Variants in CDC14B observed in about 807,000 individuals in gnomAD.
CDC14B encodes cell division cycle 14B, also known as dual specificity protein phosphatase CDC14B.
CDC14B carries 22 observed loss-of-function variants against 64.2 expected under a neutral mutation model. The observed-to-expected ratio is 0.34, with a 90% CI of 0.24 to 0.49. The LOEUF is 0.49. Ranked by LOEUF, CDC14B falls within the 20% of genes least tolerant of loss-of-function variation. CDC14B has a pLI of 0.99. For synonymous variants in CDC14B, 191 were observed against 215.8 expected (o/e 0.89, Z 1.01); for missense variants, 498 against 629.9 (o/e 0.79, Z 2.24).
rs201934587 is a variant in CDC14B at position 96,617,294 on chromosome 9, GAA to G, written c.160+1923_160+1924del. On this transcript the variant is annotated intron_variant, in intron 1 of 13. Transcript: ENST00000375241. The stretch of plus-strand genomic sequence containing the variant: ...GTTGATTAATTGGTGACTGCCTCAC[GAA>G]GACTAGCCACATATTTCATCTCCAT... 5.9e-3 allele frequency among the ~76,000 whole-genome samples: 900 copies of G among 151,844 alleles called. 7 individuals are homozygous for G. The highest frequency in any genetic ancestry group is 0.021 in the African/African-American group (860 of 41,392).
At chr9:96,602,000 A>G (rs1238416587) in intron 1 of CDC14B, among the ~76,000 whole-genome samples, 1 of 152,022 alleles carries the variant, frequency 6.6e-6, no homozygotes, top group Non-Finnish European at 1.5e-5. Context: ...CGGAGCTTTC[A>G]GTGAGCCAGG....
At chr9:96,524,763 T>C (rs985163621) in intron 9 of CDC14B, among the ~76,000 whole-genome samples, 1 of 152,194 alleles carries the variant, frequency 6.6e-6, no homozygotes, top group Admixed American at 6.5e-5. Context: ...CTCTCCCATG[T>C]TTCCAGGCTG....
intron 7 of CDC14B, among the ~76,000 whole-genome samples, chr9:96,534,954 A>G (rs1349295618): frequency 6.6e-6 from 1 of 152,210 alleles, no homozygotes; most frequent in African/African-American, 2.4e-5. Context: ...CAACATGAGC[A>G]ATCTTGACTC....
intron 6 of CDC14B, 65 bp downstream of exon 6, chr9:96,541,761 T>C (rs919351464): frequency 3.2e-5 from 36 of 1,128,864 alleles, no homozygotes; most frequent in Non-Finnish European, 4.3e-5. Context: ...GAAGAAGGCC[T>C]AGTTTTCTTG....
chr9:96,496,719 G>A (rs1270342298), downstream of CDC14B, among the ~76,000 whole-genome samples: 1 of 152,264 alleles, frequency 6.6e-6, no homozygotes, highest in Non-Finnish European at 1.5e-5. Context: ...CCCGCTGGAG[G>A]AGGTGCAGCG....
rs1227121687 is a variant in CDC14B, at chr9:96,500,972, C to T, written c.*2781G>A. 1.3e-5 allele frequency: 2 copies of T among 152,468 alleles called. No individual in the cohort carries two copies. Among genetic ancestry groups the T allele is most frequent in the Non-Finnish European group, 1.5e-5 (1 of 68,186 alleles). 9.4% of individuals were successfully genotyped at this position (152,468 alleles called of 1,614,324 possible). On this transcript the variant is annotated 3_prime_UTR_variant, in exon 14 of 14. Transcript: ENST00000375241. ...CAAGAAAACAGAGAGGTAGCAATCA[C>T]CCCTGTGAGAGGGCTAGAGAGGAGG... is the stretch of plus-strand genomic sequence containing the variant.
At chr9:96,575,710 A>G (rs1013427582) in intron 1 of CDC14B, among the ~76,000 whole-genome samples, 2 of 152,216 alleles carry the variant, frequency 1.3e-5, no homozygotes, top group Non-Finnish European at 2.9e-5. Flanking sequence ...AAAAAATTCA[A>G]GCTAGGCTGG....
intron 3 of CDC14B, among the ~76,000 whole-genome samples, chr9:96,563,390 C>T (rs996667378): frequency 3.9e-5 from 6 of 152,106 alleles, no homozygotes; most frequent in African/African-American, 1.4e-4. Flanking sequence ...CGGTGGCTCA[C>T]GCCTGTAATC....
At position 96,567,078 on chromosome 9, in the gene CDC14B, C is replaced by T. The variant is rs1844109219; in HGVS notation, c.161-1595G>A. On this transcript the variant is annotated intron_variant, in intron 1 of 13. Transcript: ENST00000375241. ...CCGCCCCACCTCCCGCTTTCTTTCCCCCCGCCTGGCCGCCCGCCTTCCTTC... is the reference window on the plus strand; with the variant it reads ...CCGCCCCACCTCCCGCTTTCTTTCCTCCCGCCTGGCCGCCCGCCTTCCTTC... The T allele has an allele frequency of 4.3e-6, 4 of 922,352 alleles. No homozygotes were observed. In the Admixed American group the frequency reaches 1.3e-4, roughly 30 times the overall value. The allele number at this position is 922,352 out of a possible 1,614,324, so 57.1% of individuals were successfully genotyped here. A position where few individuals can be genotyped will look rare whatever the true frequency, so the allele number is the denominator to read the frequency against.
chr9:96,589,539 A>G (rs961861549), intron 1 of CDC14B, among the ~76,000 whole-genome samples: 2 of 152,194 alleles, frequency 1.3e-5, no homozygotes, highest in African/African-American at 4.8e-5. Flanking sequence ...CAAGTAAAAT[A>G]TTCTTTGAAA....
rs1847470290 is a variant in CDC14B at position 96,613,930 on chromosome 9, AATGTCTGC to A, written c.160+5281_160+5288del. Among the ~76,000 whole-genome samples the A allele has an allele frequency of 2.6e-5, 4 of 152,306 alleles. No homozygotes were observed. The South Asian group carries it at 8.3e-4, about 32-fold the overall frequency. Reference sequence around the variant, plus strand: ...ATTAATGAATAAATTTTCCCTGTCTAATGTCTGCTGTGAATTTTAAAGATCTTAAAAAG... The same window carrying A: ...ATTAATGAATAAATTTTCCCTGTCTATGTGAATTTTAAAGATCTTAAAAAG... On this transcript the variant is annotated intron_variant, in intron 1 of 13. Coordinates refer to ENST00000375241, the MANE Select transcript of CDC14B (RefSeq NM_033331.4).
chr9:96,614,095 TACAG>T (rs1266205922), intron 1 of CDC14B, among the ~76,000 whole-genome samples: 4 of 152,286 alleles, frequency 2.6e-5, no homozygotes, highest in African/African-American at 7.2e-5. Context: ...ACTATTATAA[TACAG>T]ACAGTCTTTA....
intron 1 of CDC14B, chr9:96,566,799 C>T (rs1844053707): frequency 3.1e-6 from 5 of 1,606,692 alleles, no homozygotes; most frequent in South Asian, 2.2e-5. Context: ...AAGCTGCCCC[C>T]GCGCCCTCCC....
At chr9:96,509,182 G>T (rs1834578353) in intron 13 of CDC14B, among the ~76,000 whole-genome samples, 1 of 152,194 alleles carries the variant, frequency 6.6e-6, no homozygotes, top group African/African-American at 2.4e-5. Flanking sequence ...GTGAAATTCT[G>T]CCTACACTCA....
intron 13 of CDC14B, among the ~76,000 whole-genome samples, chr9:96,494,823 T>TCCCATCCCGTCTCCC (rs1554728026): frequency 6.1e-5 from 7 of 114,364 alleles, no homozygotes; most frequent in African/African-American, 2.1e-4. Flanking sequence ...TCCCATCCCG[T>TCCCATCCCGTCTCCC]CTCCCCTCCC....
At chr9:96,545,329 C>CTT (rs59040963) in intron 5 of CDC14B, among the ~76,000 whole-genome samples, 15 of 132,992 alleles carry the variant, frequency 1.1e-4, no homozygotes, top group South Asian at 2.4e-4. Flanking sequence ...TGATTATTTT[C>CTT]TTTTTTTTTT....
chr9:96,583,111 A>C (rs1013498242), intron 1 of CDC14B, among the ~76,000 whole-genome samples: 1 of 152,138 alleles, frequency 6.6e-6, no homozygotes, highest in African/African-American at 2.4e-5. Context: ...TTATAATTCA[A>C]ATACTGGGCA....
Position 96,606,332 on chromosome 9 carries a change from C to CAAAAAAAAA in CDC14B, c.160+12878_160+12886dup, listed in dbSNP as rs772460843. Among the ~76,000 whole-genome samples the CAAAAAAAAA allele has an allele frequency of 2.4e-4, 5 of 21,054 alleles. 1 individual carries two copies. Among genetic ancestry groups the CAAAAAAAAA allele is most frequent in the African/African-American group, 5.4e-4 (5 of 9,184 alleles). The allele number at this position is 21,054 out of a possible 152,430, so 13.8% of individuals were successfully genotyped here. On this transcript the variant is annotated intron_variant, in intron 1 of 13. Coordinates refer to ENST00000375241, the MANE Select transcript of CDC14B (RefSeq NM_033331.4). ...TGGGGAACAGGGCAAGACTCCATCT[C>CAAAAAAAAA]AAAAAAAAAAAAAAAAAAAAAAAAA...
chr9:96,532,340 G>A (rs1488159706), intron 9 of CDC14B, among the ~76,000 whole-genome samples: 2 of 152,170 alleles, frequency 1.3e-5, no homozygotes, highest in Non-Finnish European at 2.9e-5. Flanking sequence ...TGTTTCTGAT[G>A]AGAGATCTGC....
Sources: gnomAD v4.1 joint callset for allele counts (sites outside exome capture counted in the v4.1 genomes callset) on GRCh38, gnomAD v4.1.1 for gene constraint, MANE v1.5 for transcripts, NCBI Gene and HGNC (gene_info 2026-07-23, HGNC 2026-07-21) for gene names.